DLG5: variants seen among roughly 807,000 people sequenced by gnomAD.
The protein encoded by DLG5 is disks large homolog 5.
DLG5 carries 48 observed loss-of-function variants against 189.8 expected under a neutral mutation model. The observed-to-expected ratio is 0.25, with a 90% CI of 0.20 to 0.32. The LOEUF (loss-of-function observed/expected upper bound fraction) is 0.32. Ranked by LOEUF, DLG5 falls within the 10% of genes least tolerant of loss-of-function variation. The pLI is 1.00. For missense variants in DLG5, 2,160 were observed against 2,544.7 expected, an observed-to-expected ratio of 0.85 and a Z score of 3.25; for synonymous variants, 1,016 against 1,054.1, an observed-to-expected ratio of 0.96 and a Z score of 0.70.
upstream of DLG5, among the ~76,000 whole-genome samples, chr10:77,931,162 G>A (rs1005691125): frequency 1.1e-4 from 16 of 152,026 alleles, no homozygotes; most frequent in Non-Finnish European, 4.4e-5. Flanking sequence ...TCACCATGTT[G>A]GCCAAGCTGG....
At chr10:77,926,777 GAGGAGGAGA>G, upstream of DLG5, 1 of 165,952 alleles carries the variant, frequency 6.0e-6, no homozygotes, top group Non-Finnish European at 1.3e-5. This position sits in a 1 kb window ranked among gnomAD's most constrained non-coding sequence, Gnocchi z 5.2. Flanking sequence ...GGAGGAGACG[GAGGAGGAGA>G]AGGAGGAGGC....
At chr10:77,922,078 C>A (rs1177002820) in intron 1 of DLG5, among the ~76,000 whole-genome samples, 2 of 152,166 alleles carry the variant, frequency 1.3e-5, no homozygotes, top group African/African-American at 2.4e-5. Context: ...CTCATAATGT[C>A]ACTCTCATGA....
chr10:77,902,195 A>T (rs1459273048), intron 1 of DLG5, among the ~76,000 whole-genome samples: 1 of 152,226 alleles, frequency 6.6e-6, no homozygotes, highest in African/African-American at 2.4e-5. Flanking sequence ...CCTGGGGTCC[A>T]GCCCACACCC....
rs755548335 is a variant in DLG5 at position 77,794,832 on chromosome 10, G to C, written c.5546+17C>G. On this transcript the variant is annotated intron_variant, in intron 30 of 31. Transcript: ENST00000372391. Reference sequence around the variant, plus strand: ...TGTGACAAGGCCCCAGCGGAGCCCAGGGGGCCAGTTACCTACTTGATGTGC... The same window carrying C: ...TGTGACAAGGCCCCAGCGGAGCCCACGGGGCCAGTTACCTACTTGATGTGC... 1.2e-6 allele frequency: 2 copies of C among 1,603,064 alleles called. No homozygotes were observed. Among genetic ancestry groups the C allele is most frequent in the African/African-American group, 2.7e-5 (2 of 74,754 alleles).
At chr10:77,891,573 G>GACACACACACACACACACACACACACAC (rs55688664) in intron 1 of DLG5, among the ~76,000 whole-genome samples, 1 of 140,580 alleles carries the variant, frequency 7.1e-6, no homozygotes, top group African/African-American at 2.6e-5. Flanking sequence ...TCCCCCAACA[G>GACACACACACACACACACACACACACAC]ACACACACAC....
Position 77,843,511 on chromosome 10 carries a change from T to C in DLG5, c.1060A>G (p.Met354Val). ...ENQRLLKQTE[M>V]LTQQRDTAIQ... ...GCCGTGTCCCTCTGCTGGGTCAGCA[T>C]CTCTGTCTGCTTCAGCAACCGCTGG... Residue 354 changes from methionine (M) to valine (V), a missense_variant, in exon 6 of 32, where the codon ATG becomes GTG. Physicochemically the swap from Met to Val is conservative, Grantham distance 21. This residue lies in a region of DLG5 where 664 missense variants were observed against 838.5 expected (regional missense o/e 0.79). Coordinates refer to ENST00000372391, the MANE Select transcript of DLG5 (RefSeq NM_004747.4). 2 of 1,614,160 alleles carry C rather than the reference T, an allele frequency of 1.2e-6. No homozygotes were observed. The highest frequency in any genetic ancestry group is 1.1e-5 in the South Asian group (1 of 91,082).
At chr10:77,890,462 T>C (rs950599350) in intron 1 of DLG5, among the ~76,000 whole-genome samples, 1 of 152,152 alleles carries the variant, frequency 6.6e-6, no homozygotes, top group African/African-American at 2.4e-5. Context: ...GCAAGGTACA[T>C]AATACCTCTC....
At chr10:77,842,902 AC>A (rs1843495954) in intron 6 of DLG5, among the ~76,000 whole-genome samples, 1 of 152,202 alleles carries the variant, frequency 6.6e-6, no homozygotes, top group African/African-American at 2.4e-5. Context: ...CAATGCTCAA[AC>A]CTATTTATCC....
chr10:77,817,904 G>A lies in DLG5; in HGVS notation c.3672-15C>T. The A allele has an allele frequency of 6.5e-7, 1 of 1,547,950 alleles. No homozygotes were observed. Among genetic ancestry groups the A allele is most frequent in the Admixed American group, 2.0e-5 (1 of 50,928 alleles). ...GGTGCTGGACACTGCGTAAAAACAA[G>A]AGGTGAGGAGTTCGGGAGGAGAACC... is the stretch of plus-strand genomic sequence containing the variant. On this transcript the variant is annotated splice_polypyrimidine_tract_variant and intron_variant, in intron 17 of 31. Transcript: ENST00000372391.
chr10:77,854,457 G>A (rs146670464), intron 3 of DLG5, 87 bp from the exon 4 acceptor site: 3 of 1,557,288 alleles, frequency 1.9e-6, no homozygotes, highest in African/African-American at 1.4e-5. Context: ...GGCCAGCCCA[G>A]TGGTTCCCCA....
At chr10:77,880,962 C>CTTTTTTTTTT (rs61636782) in intron 1 of DLG5, among the ~76,000 whole-genome samples, 2 of 73,238 alleles carry the variant, frequency 2.7e-5, no homozygotes, top group African/African-American at 1.2e-4. Flanking sequence ...AACCCTAGAC[C>CTTTTTTTTTT]TTTTTTTTTT....
chr10:77,938,421 A>G, the DLG5 span, among the ~76,000 whole-genome samples: 25 of 152,242 alleles, frequency 1.6e-4, no homozygotes, highest in African/African-American at 6.0e-4. Context: ...ACAGAGCAAG[A>G]CCCTGTCTCA....
chr10:77,823,772 C>G (rs1589159992), intron 14 of DLG5, among the ~76,000 whole-genome samples: 1 of 152,118 alleles, frequency 6.6e-6, no homozygotes, highest in Non-Finnish European at 1.5e-5. Context: ...CTCAGGTGAT[C>G]CACCCGCCTC....
At chr10:77,870,741 C>A (rs554951042) in intron 1 of DLG5, among the ~76,000 whole-genome samples, 1 of 151,426 alleles carries the variant, frequency 6.6e-6, no homozygotes, top group East Asian at 1.9e-4. Flanking sequence ...CCACCCTACA[C>A]GCATCTTTGG....
chr10:77,879,367 CT>C (rs1282836178), intron 1 of DLG5, among the ~76,000 whole-genome samples: 1 of 152,100 alleles, frequency 6.6e-6, no homozygotes, highest in Non-Finnish European at 1.5e-5. Flanking sequence ...CAGGCAGAAC[CT>C]TATGGGCCAC....
Position 77,792,248 on chromosome 10 carries a change from T to C in DLG5, c.*192A>G. On this transcript the variant is annotated 3_prime_UTR_variant, in exon 32 of 32. Coordinates refer to ENST00000372391, the MANE Select transcript of DLG5 (RefSeq NM_004747.4). ...GCACACGTGTGACACGGGCAGAGTG[T>C]GTGGGCCTGGGCCTGGATCGCACGC... 2 of 617,042 alleles carry C rather than the reference T, an allele frequency of 3.2e-6. No individual in the cohort carries two copies. The highest frequency in any genetic ancestry group is 2.8e-5 in the Admixed American group (1 of 35,466). The allele number at this position is 617,042 out of a possible 1,614,324, so 38.2% of individuals were successfully genotyped here.
chr10:77,894,693 A>C lies in DLG5; in HGVS notation c.305-25496T>G, dbSNP rs191311786. On this transcript the variant is annotated intron_variant, in intron 1 of 31. Transcript: ENST00000372391. ...ATGGGCAAGGAGTTCTACTGCCCAA[A>C]GCAGCCCAACCTTTTCTGCTCCCTG... Among the ~76,000 whole-genome samples, 209 of 152,056 alleles carry C rather than the reference A, an allele frequency of 1.4e-3. 4 individuals carry two copies. Among genetic ancestry groups the C allele is most frequent in the Non-Finnish European group, 2.4e-4 (16 of 67,964 alleles).
intron 2 of DLG5, among the ~76,000 whole-genome samples, chr10:77,862,909 C>T (rs1490299380): frequency 6.6e-6 from 1 of 152,068 alleles, no homozygotes; most frequent in Non-Finnish European, 1.5e-5. Context: ...CTGCCAAGGA[C>T]TGAAGGTGGG....
chr10:77,871,050 A>G (rs1468461048), intron 1 of DLG5, among the ~76,000 whole-genome samples: 1 of 152,248 alleles, frequency 6.6e-6, no homozygotes, highest in Non-Finnish European at 1.5e-5. Context: ...AATGACCAGT[A>G]GCCTCATTAT....
Sources: gnomAD v4.1 joint callset for allele counts (sites outside exome capture counted in the v4.1 genomes callset) on GRCh38, gnomAD v4.1.1 for gene constraint, gnomAD v4.1.1 regional missense constraint, Gnocchi (gnomAD v3.1) non-coding constraint, MANE v1.5 for transcripts, NCBI Gene and HGNC (gene_info 2026-07-23, HGNC 2026-07-21) for gene names.